Variants in MYEF2 observed in about 807,000 individuals in gnomAD.
MYEF2 encodes myelin expression factor 2.
MYEF2 carries 37 observed loss-of-function variants against 75.2 expected under a neutral mutation model. The observed-to-expected ratio is 0.49, with a 90% CI of 0.38 to 0.65. MYEF2 has a LOEUF of 0.65. MYEF2 is among the 30% of genes least tolerant of loss of function. The pLI is 0.00. For synonymous variants in MYEF2, 195 were observed against 241.6 expected (o/e 0.81, Z 1.79); for missense variants, 634 against 771.4 (o/e 0.82, Z 2.11).
intron 5 of MYEF2, chr15:48,162,859 C>G (rs952323429): frequency 1.3e-5 from 2 of 152,194 alleles, no homozygotes; most frequent in Non-Finnish European, 2.9e-5. Context: ...CACCGACCAG[C>G]CGCTCCCCAT....
chr15:48,158,351 T>C, intron 7 of MYEF2, 127 bp from the exon 8 acceptor site: 1 of 783,674 alleles, frequency 1.3e-6, no homozygotes, highest in South Asian at 1.9e-5. Flanking sequence ...TACTTATTGA[T>C]ATTAGCCACT....
At chr15:48,148,835 A>G (rs2039385671) in intron 16 of MYEF2, among the ~76,000 whole-genome samples, 197 bp downstream of exon 16, 1 of 152,056 alleles carries the variant, frequency 6.6e-6, no homozygotes, top group Non-Finnish European at 1.5e-5. Flanking sequence ...ATTACCTAGT[A>G]GTAATAGCAC....
chr15:48,138,779 C>T lies in MYEF2; in HGVS notation c.*4129G>A. The stretch of plus-strand genomic sequence containing the variant: ...AAGAAATGCGGAGTATCACATCTTA[C>T]ATTGTCTGCCCTAAAGTTTCAATTA... On this transcript the variant is annotated 3_prime_UTR_variant, in exon 17 of 17. Coordinates refer to ENST00000324324, the MANE Select transcript of MYEF2 (RefSeq NM_016132.5). 1.8e-6 allele frequency: 1 copy of T among 559,474 alleles called. No individual in the cohort carries two copies. The highest frequency in any genetic ancestry group is 3.2e-6 in the Non-Finnish European group (1 of 311,588). 34.7% of individuals were successfully genotyped at this position (559,474 alleles called of 1,614,324 possible). A position where few individuals can be genotyped will look rare whatever the true frequency, so the allele number is the denominator to read the frequency against.
chr15:48,136,853 G>T lies in MYEF2; in HGVS notation c.*6055C>A, dbSNP rs1028855122. ...CCACTGATGGGCTGGGAAGATGAAGGTCAACCATTCATTCGTCGGCAATCA... is the reference window on the plus strand; with the variant it reads ...CCACTGATGGGCTGGGAAGATGAAGTTCAACCATTCATTCGTCGGCAATCA... On this transcript the variant is annotated 3_prime_UTR_variant, in exon 17 of 17. Transcript: ENST00000324324. 6.2e-7 allele frequency: 1 copy of T among 1,613,606 alleles called. No homozygotes were observed. The highest frequency in any genetic ancestry group is 1.3e-5 in the African/African-American group (1 of 74,892).
At chr15:48,151,724 AT>A in intron 12 of MYEF2, 149 bp downstream of exon 12, 1 of 1,138,674 alleles carries the variant, frequency 8.8e-7, no homozygotes, top group Non-Finnish European at 1.3e-6. Context: ...CACACATATC[AT>A]CCCCATTCCC....
At chr15:48,158,960 A>T in intron 6 of MYEF2, 38 bp from the exon 7 acceptor site, 1 of 1,564,252 alleles carries the variant, frequency 6.4e-7, no homozygotes, top group African/African-American at 1.4e-5. Flanking sequence ...TACCTAATAA[A>T]TCCATCTCCC....
At chr15:48,165,029 C>T (rs1342572073) in intron 5 of MYEF2, among the ~76,000 whole-genome samples, 1 of 152,196 alleles carries the variant, frequency 6.6e-6, no homozygotes, top group South Asian at 2.1e-4. Flanking sequence ...ACTACCATTA[C>T]TTCAGTTTAG....
intron 5 of MYEF2, among the ~76,000 whole-genome samples, chr15:48,164,276 AT>A (rs2040056980): frequency 6.6e-6 from 1 of 152,182 alleles, no homozygotes; most frequent in African/African-American, 2.4e-5. Context: ...GGGCTTCAAG[AT>A]TTCAATGGTG....
At chr15:48,159,901 G>T in intron 5 of MYEF2, 97 bp from the exon 6 acceptor site, 5 of 1,269,594 alleles carry the variant, frequency 3.9e-6, no homozygotes, top group South Asian at 1.4e-5. Flanking sequence ...ATCCTGTCTG[G>T]CTCAAATTAT....
chr15:48,151,060 C>A, intron 14 of MYEF2, 40 bp downstream of exon 14: 1 of 1,450,246 alleles, frequency 6.9e-7, no homozygotes, highest in Non-Finnish European at 9.6e-7. Context: ...TGCAAGCACT[C>A]AAATATTACT....
rs568241524 is a variant in MYEF2, at chr15:48,153,648, T to C, written c.1087+144A>G. On this transcript the variant is annotated intron_variant, in intron 10 of 16. Coordinates refer to ENST00000324324, the MANE Select transcript of MYEF2 (RefSeq NM_016132.5). ...CATGTTAGCTGTGCTCAAGGTTTCA[T>C]TCCTTTTTCAGAATGAAGTGACACC... The C allele has an allele frequency of 1.0e-5, 7 of 678,306 alleles. No individual in the cohort carries two copies. In the African/African-American group the frequency reaches 1.3e-4, roughly 12 times the overall value. 42.0% of individuals were successfully genotyped at this position (678,306 alleles called of 1,614,324 possible). A position where few individuals can be genotyped will look rare whatever the true frequency, so the allele number is the denominator to read the frequency against.
At chr15:48,146,172 G>A (rs1390820409) in intron 16 of MYEF2, among the ~76,000 whole-genome samples, 3 of 151,910 alleles carry the variant, frequency 2.0e-5, no homozygotes, top group Non-Finnish European at 4.4e-5. Context: ...CAGATGACAT[G>A]GGAGCACATT....
chr15:48,174,745 C>G (rs899171388), intron 1 of MYEF2, among the ~76,000 whole-genome samples: 4 of 152,062 alleles, frequency 2.6e-5, no homozygotes, highest in African/African-American at 9.7e-5. Flanking sequence ...ACTGCAATAT[C>G]ACTTCATACC....
At chr15:48,151,244 G>A (rs2039481434) in intron 13 of MYEF2, 73 bp from the exon 14 acceptor site, 1 of 1,290,946 alleles carries the variant, frequency 7.7e-7, no homozygotes, top group South Asian at 1.3e-5. Context: ...AAGGTACTAT[G>A]TGCTCTGATT....
Position 48,141,817 on chromosome 15 carries a change from TAATA to T in MYEF2, c.*1087_*1090del, listed in dbSNP as rs975224498. Reference sequence around the variant, plus strand: ...CTATATACCTTATTGAAAAATGGTTTAATAAATATAATTATTAAATAAATGTTAA... The same window carrying T: ...CTATATACCTTATTGAAAAATGGTTTAATATAATTATTAAATAAATGTTAA... On this transcript the variant is annotated 3_prime_UTR_variant, in exon 17 of 17. Transcript: ENST00000324324. 1.2e-5 allele frequency: 4 copies of T among 341,398 alleles called. No individual in the cohort carries two copies. The highest frequency in any genetic ancestry group is 2.1e-5 in the Non-Finnish European group (4 of 190,912). 21.1% of individuals were successfully genotyped at this position (341,398 alleles called of 1,614,324 possible).
At chr15:48,175,137 C>T (rs1368151928) in intron 1 of MYEF2, among the ~76,000 whole-genome samples, 1 of 152,058 alleles carries the variant, frequency 6.6e-6, no homozygotes, top group East Asian at 1.9e-4. Flanking sequence ...TTCAGCCTTA[C>T]AAAAAGAACA....
chr15:48,138,226 C>T lies in MYEF2; in HGVS notation c.*4682G>A, dbSNP rs1878188. ...ACTAACATTAGTTTTAACATGATTTCATCCAATTGTTACATTATTTTGTAA... is the reference window on the plus strand; with the variant it reads ...ACTAACATTAGTTTTAACATGATTTTATCCAATTGTTACATTATTTTGTAA... On this transcript the variant is annotated 3_prime_UTR_variant, in exon 17 of 17. Transcript: ENST00000324324. 1 of 151,916 alleles carries T rather than the reference C, an allele frequency of 6.6e-6. No homozygotes were observed. Among genetic ancestry groups the T allele is most frequent in the Non-Finnish European group, 1.5e-5 (1 of 67,926 alleles). The allele number at this position is 151,916 out of a possible 1,614,324, so 9.4% of individuals were successfully genotyped here. A position where few individuals can be genotyped will look rare whatever the true frequency, so the allele number is the denominator to read the frequency against.
At chr15:48,175,476 A>G (rs1276685886) in intron 1 of MYEF2, among the ~76,000 whole-genome samples, 1 of 152,182 alleles carries the variant, frequency 6.6e-6, no homozygotes, top group African/African-American at 2.4e-5. Context: ...ACACCAAAAA[A>G]TATGGTAGCT....
rs575303689 is a variant in MYEF2, at chr15:48,136,874, A to G, written c.*6034T>C. 4.3e-6 allele frequency: 7 copies of G among 1,613,896 alleles called. No individual in the cohort carries two copies. The African/African-American group carries it at 9.3e-5, about 22-fold the overall frequency. ...GAAGGTCAACCATTCATTCGTCGGC[A>G]ATCAAGAACTGATAGTGGAATATTT... On this transcript the variant is annotated 3_prime_UTR_variant, in exon 17 of 17. Transcript: ENST00000324324.
Sources: allele counts gnomAD v4.1 joint callset (sites outside exome capture counted in the v4.1 genomes callset), GRCh38; gene constraint gnomAD v4.1.1; transcripts MANE v1.5; gene names NCBI Gene and HGNC (gene_info 2026-07-23, HGNC 2026-07-21).